The following PPFIA2 variants were observed in gnomAD, a reference collection of about 807,000 sequenced individuals.
PPFIA2 encodes PPFI scaffold protein A2.
In PPFIA2, 46 loss-of-function variants were observed where a neutral mutation model predicts 175.5. That is an observed-to-expected ratio of 0.26 (90% CI 0.21 to 0.34). The LOEUF (loss-of-function observed/expected upper bound fraction) is 0.34, where lower values mean the gene tolerates loss of function less well. Among genes scored for constraint, PPFIA2 ranks in the 10% least tolerant of loss-of-function variants. PPFIA2 has a pLI of 1.00. For synonymous variants in PPFIA2, 568 were observed against 511.4 expected (o/e 1.11, Z -1.49); for missense variants, 1,179 against 1,506.1 (o/e 0.78, Z 3.60).
intron 4 of PPFIA2, among the ~76,000 whole-genome samples, chr12:81,564,419 A>T (rs1349356422): frequency 6.6e-6 from 1 of 152,150 alleles, no homozygotes; most frequent in Non-Finnish European, 1.5e-5. Flanking sequence ...ACTGCTAGTG[A>T]CCTTTCTACC....
intron 28 of PPFIA2, among the ~76,000 whole-genome samples, chr12:81,274,433 C>A (rs971927470): frequency 6.6e-6 from 1 of 151,992 alleles, no homozygotes; most frequent in South Asian, 2.1e-4. Flanking sequence ...TAAGAGTGAT[C>A]AAATATTTAA....
Position 81,457,838 on chromosome 12 carries a change from T to C in PPFIA2, c.332A>G (p.Asn111Ser). Reference protein sequence around the residue: ...PEFAALTKELNACREQLLEKE... With the variant: ...PEFAALTKELSACREQLLEKE... ...TTCTAGAAGTTGTTCCCTGCAGGCATTTAATTCTTTTGTCAGTGCAGCAAA... is the reference window on the plus strand; with the variant it reads ...TTCTAGAAGTTGTTCCCTGCAGGCACTTAATTCTTTTGTCAGTGCAGCAAA... The change falls in exon 5 of 33, where the codon AAT becomes AGT. Residue 111 changes from asparagine (N) to serine (S), a missense_variant. Physicochemically the swap from Asn to Ser is conservative, Grantham distance 46. Coordinates refer to ENST00000549396, the MANE Select transcript of PPFIA2 (RefSeq NM_003625.5). 6.2e-7 allele frequency: 1 copy of C among 1,607,642 alleles called. No individual in the cohort carries two copies. The highest frequency in any genetic ancestry group is 8.5e-7 in the Non-Finnish European group (1 of 1,177,286).
At position 81,642,717 on chromosome 12, in the gene PPFIA2, T is replaced by TATATTATATACATACATGTATATAA. The variant is rs1407968415; in HGVS notation, c.303+34073_303+34074insTTATATACATGTATGTATATAATAT. Among the ~76,000 whole-genome samples, 3 of 89,994 alleles carry TATATTATATACATACATGTATATAA rather than the reference T, an allele frequency of 3.3e-5. 1 individual carries two copies. Among genetic ancestry groups the TATATTATATACATACATGTATATAA allele is most frequent in the East Asian group, 6.8e-4 (2 of 2,934 alleles). The allele number at this position is 89,994 out of a possible 152,430, so 59.0% of individuals were successfully genotyped here. A position where few individuals can be genotyped will look rare whatever the true frequency, so the allele number is the denominator to read the frequency against. ...ACATACATGTATATGTATGTATGTA[T>TATATTATATACATACATGTATATAA]TATATACATACATGTATATGTATGT... On this transcript the variant is annotated intron_variant, in intron 4 of 32. Transcript: ENST00000549396.
At position 81,405,868 on chromosome 12, in the gene PPFIA2, T is replaced by C; in HGVS notation, c.681A>G (p.Gln227=). 1 of 1,576,586 alleles carries C rather than the reference T, an allele frequency of 6.3e-7. No individual in the cohort carries two copies. The highest frequency in any genetic ancestry group is 8.6e-7 in the Non-Finnish European group (1 of 1,158,984). Residue 227 remains glutamine, a synonymous_variant, in exon 8 of 33, where the codon CAA becomes CAG. Transcript: ENST00000549396. ...ATCCCTCGCTTGATGCCATTTTTCT[T>C]TGTATATGAACATTTTGTTCACGCA... The part of the protein sequence containing the change: ...VALREQNVHI[Q]RKMASSEGST...
intron 7 of PPFIA2, among the ~76,000 whole-genome samples, chr12:81,435,387 A>G (rs1322214592): frequency 6.6e-6 from 1 of 152,228 alleles, no homozygotes; most frequent in Non-Finnish European, 1.5e-5. Flanking sequence ...AGAGCTCAGA[A>G]GAGTATATAA....
In PPFIA2 at chr12:81,587,178, G is replaced by A. The variant is rs190827548; in HGVS notation, c.303+89613C>T. Among the ~76,000 whole-genome samples the A allele has an allele frequency of 1.5e-4, 23 of 152,082 alleles. No individual in the cohort carries two copies. In the East Asian group the frequency reaches 2.9e-3, roughly 19 times the overall value. ...TGCTTCCCCATCCAAATATCATCTT[G>A]AATTGTAATCCTCACATGTAGAGGG... On this transcript the variant is annotated intron_variant, in intron 4 of 32. Transcript: ENST00000549396.
At position 81,309,901 on chromosome 12, in the gene PPFIA2, T is replaced by C. The variant is rs1382655559; in HGVS notation, c.2643-10519A>G. Among the ~76,000 whole-genome samples the C allele has an allele frequency of 2.6e-5, 4 of 152,078 alleles. No individual in the cohort carries two copies. In the East Asian group the frequency reaches 5.8e-4, roughly 22 times the overall value. ...CATACACACAAATATGATTGAATCATACAATTATTTATGCTGTTATTGAAA... is the reference window on the plus strand; with the variant it reads ...CATACACACAAATATGATTGAATCACACAATTATTTATGCTGTTATTGAAA... On this transcript the variant is annotated intron_variant, in intron 22 of 32. Transcript: ENST00000549396.
chr12:81,756,333 C>T (rs1416424126), intron 2 of PPFIA2, among the ~76,000 whole-genome samples: 2 of 152,108 alleles, frequency 1.3e-5, no homozygotes, highest in Non-Finnish European at 2.9e-5. Context: ...CCCTGAATCA[C>T]TCAGAACAAC....
At chr12:81,454,366 G>A (rs2053209861) in intron 5 of PPFIA2, among the ~76,000 whole-genome samples, 1 of 152,160 alleles carries the variant, frequency 6.6e-6, no homozygotes, top group South Asian at 2.1e-4. Flanking sequence ...AGGAAGTAGT[G>A]GACTCTCTGG....
At chr12:81,555,410 T>A (rs2068673604) in intron 4 of PPFIA2, among the ~76,000 whole-genome samples, 2 of 151,994 alleles carry the variant, frequency 1.3e-5, no homozygotes, top group Non-Finnish European at 2.9e-5. Context: ...ATACTCTTAG[T>A]CAAATGACAT....
At chr12:81,428,149 C>T (rs527868787) in intron 7 of PPFIA2, among the ~76,000 whole-genome samples, 5 of 151,776 alleles carry the variant, frequency 3.3e-5, no homozygotes, top group South Asian at 2.1e-4. Context: ...ATATCAAACA[C>T]GATCTTACTA....
chr12:81,627,022 A>G (rs984259247), intron 4 of PPFIA2, among the ~76,000 whole-genome samples: 2 of 152,204 alleles, frequency 1.3e-5, no homozygotes, highest in African/African-American at 4.8e-5. Flanking sequence ...GGTATTATCA[A>G]TGATTATGCA....
In PPFIA2 at chr12:81,295,070, A is replaced by G. The variant is rs371354588; in HGVS notation, c.2725-35T>C. ...AGGAAAAAATACACTAACAAATTAT[A>G]ATAATAGTTATCATTTTAGTGTCTC... On this transcript the variant is annotated intron_variant, in intron 23 of 32. Transcript: ENST00000549396. 5.1e-6 allele frequency: 8 copies of G among 1,564,636 alleles called. No individual in the cohort carries two copies. The African/African-American group carries it at 8.2e-5, about 16-fold the overall frequency.
intron 3 of PPFIA2, among the ~76,000 whole-genome samples, chr12:81,751,570 CAGAGAG>C (rs1281634137): frequency 1.4e-5 from 2 of 146,088 alleles, no homozygotes; most frequent in Non-Finnish European, 3.0e-5. Context: ...CACACATATA[CAGAGAG>C]AGAGAGAGAG....
At chr12:81,311,732 CAAAAAAA>C (rs1050904857) in intron 22 of PPFIA2, among the ~76,000 whole-genome samples, 3 of 48,388 alleles carry the variant, frequency 6.2e-5, no homozygotes, top group Non-Finnish European at 1.2e-4. Context: ...GACTCTGTCT[CAAAAAAA>C]AAAAAAAAAA....
At chr12:81,576,047 T>C (rs1334635931) in intron 4 of PPFIA2, among the ~76,000 whole-genome samples, 1 of 151,608 alleles carries the variant, frequency 6.6e-6, no homozygotes, top group Non-Finnish European at 1.5e-5. Flanking sequence ...GAACACTTAG[T>C]CATACAGCCA....
chr12:81,570,871 GAAGATATGATCT>G (rs1466850314), intron 4 of PPFIA2, among the ~76,000 whole-genome samples: 1 of 151,840 alleles, frequency 6.6e-6, no homozygotes, highest in African/African-American at 2.4e-5. Context: ...GAAACTAACT[GAAGATATGATCT>G]CTTACTGGTT....
At chr12:81,745,679 C>T (rs1406209717) in intron 3 of PPFIA2, among the ~76,000 whole-genome samples, 1 of 152,172 alleles carries the variant, frequency 6.6e-6, no homozygotes, top group Non-Finnish European at 1.5e-5. Context: ...ATGAGGACCG[C>T]AGTTGCTCTT....
intron 4 of PPFIA2, among the ~76,000 whole-genome samples, chr12:81,534,328 G>A (rs2065070393): frequency 1.3e-5 from 2 of 151,648 alleles, no homozygotes; most frequent in South Asian, 4.1e-4. Context: ...ACAACTAGAA[G>A]AGAGGACTTA....
Sources: gnomAD v4.1 joint callset for allele counts (sites outside exome capture counted in the v4.1 genomes callset) on GRCh38, gnomAD v4.1.1 for gene constraint, MANE v1.5 for transcripts, NCBI Gene and HGNC (gene_info 2026-07-23, HGNC 2026-07-21) for gene names.